SLC7A1: variants seen among roughly 807,000 people sequenced by gnomAD.
The protein encoded by SLC7A1 is solute carrier family 7 member 1.
SLC7A1 carries 10 observed loss-of-function variants against 53.9 expected under a neutral mutation model. The ratio of observed to expected loss-of-function variants is 0.19; its 90% CI spans 0.11 to 0.31. The LOEUF (loss-of-function observed/expected upper bound fraction) is 0.31, where lower values mean the gene tolerates loss of function less well. SLC7A1 is among the 10% of genes least tolerant of loss of function. SLC7A1 has a pLI of 1.00. For missense variants in SLC7A1, 525 were observed against 827.2 expected (o/e 0.63, Z 4.48); for synonymous variants, 342 against 338.7 (o/e 1.01, Z -0.11).
At position 29,512,661 on chromosome 13, in the gene SLC7A1, A is replaced by G. The variant is rs1883427487; in HGVS notation, c.*1819T>C. 1 of 152,200 alleles carries G rather than the reference A, an allele frequency of 6.6e-6. No homozygotes were observed. The highest frequency in any genetic ancestry group is 2.4e-5 in the African/African-American group (1 of 41,454). 9.4% of individuals were successfully genotyped at this position (152,200 alleles called of 1,614,324 possible). A position where few individuals can be genotyped will look rare whatever the true frequency, so the allele number is the denominator to read the frequency against. ...ATTTATCAAAATATGTTACAACACC[A>G]ATCTCCATAAATGTCAATATCACTC... is the stretch of plus-strand genomic sequence containing the variant. On this transcript the variant is annotated 3_prime_UTR_variant, in exon 13 of 13. Transcript: ENST00000380752.
Position 29,595,422 on chromosome 13 carries a change from G to T in SLC7A1, c.-121C>A, listed in dbSNP as rs974308744. On this transcript the variant is annotated 5_prime_UTR_variant, in exon 1 of 13. Transcript: ENST00000380752. The stretch of plus-strand genomic sequence containing the variant: ...GGCGGGGCCGGGCACTCACCAAGCC[G>T]GCGGCGGCGGGGCTCCGGCAGGATC... 4 of 151,982 alleles carry T rather than the reference G, an allele frequency of 2.6e-5. No individual in the cohort carries two copies. In the East Asian group the frequency reaches 7.9e-4, roughly 30 times the overall value. 9.4% of individuals were successfully genotyped at this position (151,982 alleles called of 1,614,324 possible). A position where few individuals can be genotyped will look rare whatever the true frequency, so the allele number is the denominator to read the frequency against.
At chr13:29,594,346 T>C (rs1200088475) in intron 1 of SLC7A1, among the ~76,000 whole-genome samples, 1 of 152,210 alleles carries the variant, frequency 6.6e-6, no homozygotes, top group Non-Finnish European at 1.5e-5. Flanking sequence ...ACCCAACACA[T>C]GAGGGCATGG....
chr13:29,530,722 T>C lies in SLC7A1; in HGVS notation c.530-10A>G. Reference sequence around the variant, plus strand: ...CCAAGAGTTAAAAGTCCTGAAAAAGTGCATAGACACAAAACTTTGTCTGAG... The same window carrying C: ...CCAAGAGTTAAAAGTCCTGAAAAAGCGCATAGACACAAAACTTTGTCTGAG... On this transcript the variant is annotated splice_polypyrimidine_tract_variant and intron_variant, in intron 4 of 12. Transcript: ENST00000380752. 6.2e-7 allele frequency: 1 copy of C among 1,612,120 alleles called. No individual in the cohort carries two copies. The highest frequency in any genetic ancestry group is 8.5e-7 in the Non-Finnish European group (1 of 1,178,526).
chr13:29,519,839 A>G (rs1170274918), intron 8 of SLC7A1, among the ~76,000 whole-genome samples: 2 of 152,158 alleles, frequency 1.3e-5, no homozygotes, highest in African/African-American at 4.8e-5. Flanking sequence ...CCATCCCTAC[A>G]TTATAGATAT....
At chr13:29,590,291 G>A (rs1872055267) in intron 1 of SLC7A1, among the ~76,000 whole-genome samples, 1 of 152,170 alleles carries the variant, frequency 6.6e-6, no homozygotes, top group Admixed American at 6.5e-5. Context: ...TAAAACCCAA[G>A]GGCTTCGGAG....
At chr13:29,530,469 G>T in intron 5 of SLC7A1, 69 bp downstream of exon 5, 1 of 1,379,628 alleles carries the variant, frequency 7.2e-7, no homozygotes, top group Non-Finnish European at 1.0e-6. Context: ...ATCCTAGCCA[G>T]TTATATCCCC....
rs988352638 is a variant in SLC7A1, at chr13:29,511,677, G to C, written c.*2803C>G. On this transcript the variant is annotated 3_prime_UTR_variant, in exon 13 of 13. Transcript: ENST00000380752. ...TCTTCAGCAGAGGTCCTGAGGCAGG[G>C]GGGTGGAGATCTGCTGGGTTTGCTG... 1 of 152,270 alleles carries C rather than the reference G, an allele frequency of 6.6e-6. No homozygotes were observed. Among genetic ancestry groups the C allele is most frequent in the Non-Finnish European group, 1.5e-5 (1 of 68,080 alleles). 9.4% of individuals were successfully genotyped at this position (152,270 alleles called of 1,614,324 possible).
In SLC7A1 at chr13:29,509,615, G is replaced by A. The variant is rs1479708765; in HGVS notation, c.*4865C>T. On this transcript the variant is annotated 3_prime_UTR_variant, in exon 13 of 13. Coordinates refer to ENST00000380752, the MANE Select transcript of SLC7A1 (RefSeq NM_003045.5). Reference sequence around the variant, plus strand: ...TGTCCTTAAAGTAAAATAAAAGCAGGAGAGACCCAGCAGAGACCAACCTGA... The same window carrying A: ...TGTCCTTAAAGTAAAATAAAAGCAGAAGAGACCCAGCAGAGACCAACCTGA... The A allele has an allele frequency of 6.6e-6, 1 of 152,482 alleles. No homozygotes were observed. Among genetic ancestry groups the A allele is most frequent in the Non-Finnish European group, 1.5e-5 (1 of 68,040 alleles). The allele number at this position is 152,482 out of a possible 1,614,324, so 9.4% of individuals were successfully genotyped here. A position where few individuals can be genotyped will look rare whatever the true frequency, so the allele number is the denominator to read the frequency against.
chr13:29,563,938 T>C (rs751000699), intron 1 of SLC7A1, among the ~76,000 whole-genome samples: 5 of 152,212 alleles, frequency 3.3e-5, no homozygotes, highest in Admixed American at 1.3e-4. Flanking sequence ...GGAGGGCAGC[T>C]TCTCTCCAAG....
chr13:29,587,649 A>G (rs1276889859), intron 1 of SLC7A1, among the ~76,000 whole-genome samples: 1 of 152,158 alleles, frequency 6.6e-6, no homozygotes, highest in Non-Finnish European at 1.5e-5. Flanking sequence ...GGCCTGCAAC[A>G]TTTCTTTTCA....
At position 29,595,498 on chromosome 13, in the gene SLC7A1, G is replaced by C. The variant is rs1329621494; in HGVS notation, c.-197C>G. 1 of 104,044 alleles carries C rather than the reference G, an allele frequency of 9.6e-6. No homozygotes were observed. The highest frequency in any genetic ancestry group is 3.1e-4 in the South Asian group (1 of 3,184). 6.4% of individuals were successfully genotyped at this position (104,044 alleles called of 1,614,324 possible). ...CTCAAGGACCAACGGACGCTCGGCC[G>C]GCGAGACCGGGCGGGGCGGGGCGGG... On this transcript the variant is annotated 5_prime_UTR_variant, in exon 1 of 13. Transcript: ENST00000380752.
intron 1 of SLC7A1, among the ~76,000 whole-genome samples, chr13:29,582,726 G>A (rs144166096): frequency 6.6e-6 from 1 of 152,204 alleles, no homozygotes; most frequent in African/African-American, 2.4e-5. Flanking sequence ...CCCCAGGGGA[G>A]GATTTGTATG....
intron 1 of SLC7A1, among the ~76,000 whole-genome samples, chr13:29,557,380 G>A (rs1024516326): frequency 2.6e-5 from 4 of 152,094 alleles, no homozygotes; most frequent in Non-Finnish European, 5.9e-5. Flanking sequence ...GAACATCCTG[G>A]AGTGTACTTA....
At chr13:29,515,183 C>G (rs1390518465) in intron 12 of SLC7A1, among the ~76,000 whole-genome samples, 1 of 152,202 alleles carries the variant, frequency 6.6e-6, no homozygotes, top group Admixed American at 6.5e-5. Context: ...GGAAAACAGG[C>G]CTTAAAGCAA....
intron 1 of SLC7A1, among the ~76,000 whole-genome samples, chr13:29,572,539 C>T (rs1054045494): frequency 1.3e-5 from 2 of 152,142 alleles, no homozygotes; most frequent in Non-Finnish European, 2.9e-5. Flanking sequence ...GGAGGAAGGA[C>T]TGGCCGGATG....
intron 2 of SLC7A1, among the ~76,000 whole-genome samples, chr13:29,540,824 G>T (rs1220359361): frequency 6.6e-6 from 1 of 152,214 alleles, no homozygotes; most frequent in Non-Finnish European, 1.5e-5. Context: ...AAAGACTGTG[G>T]TCTACGTTTG....
chr13:29,572,164 G>T (rs1187610062), intron 1 of SLC7A1, among the ~76,000 whole-genome samples: 2 of 152,206 alleles, frequency 1.3e-5, no homozygotes, highest in Admixed American at 1.3e-4. Context: ...GGCCGCCTGT[G>T]GGTCCCAAGC....
chr13:29,539,731 G>C (rs1194205215), intron 2 of SLC7A1, among the ~76,000 whole-genome samples: 1 of 152,132 alleles, frequency 6.6e-6, no homozygotes, highest in Non-Finnish European at 1.5e-5. Flanking sequence ...GGACAACTGG[G>C]ACCCCTACAG....
intron 1 of SLC7A1, among the ~76,000 whole-genome samples, chr13:29,584,496 C>T (rs986419909): frequency 6.6e-6 from 1 of 152,130 alleles, no homozygotes; most frequent in Non-Finnish European, 1.5e-5. Context: ...AAAGTAAGCA[C>T]TCTGAGTTCT....
Sources: gnomAD v4.1 joint callset for allele counts (sites outside exome capture counted in the v4.1 genomes callset) on GRCh38, gnomAD v4.1.1 for gene constraint, MANE v1.5 for transcripts, NCBI Gene and HGNC (gene_info 2026-07-23, HGNC 2026-07-21) for gene names.